RNLS: variants seen among roughly 807,000 people sequenced by gnomAD.
The protein encoded by RNLS is renalase.
A neutral mutation model predicts 39.8 loss-of-function variants in RNLS; 39 were observed. The observed-to-expected ratio is 0.98, with a 90% CI of 0.76 to 1.28. The LOEUF (loss-of-function observed/expected upper bound fraction) is 1.28. RNLS is among the 50% of genes most tolerant of loss of function. RNLS has a pLI of 0.00. For synonymous variants in RNLS, 147 were observed against 150.7 expected, an observed-to-expected ratio of 0.98 and a Z score of 0.18; for missense variants, 410 against 413.3, an observed-to-expected ratio of 0.99 and a Z score of 0.07.
At chr10:88,436,308 G>T (rs1362443250) in intron 4 of RNLS, among the ~76,000 whole-genome samples, 1 of 152,052 alleles carries the variant, frequency 6.6e-6, no homozygotes, top group Non-Finnish European at 1.5e-5. Context: ...CACACAGAGG[G>T]TCAGCAAGAG....
chr10:88,199,871 G>A, the RNLS span, among the ~76,000 whole-genome samples: 2 of 152,212 alleles, frequency 1.3e-5, no homozygotes, highest in Admixed American at 6.5e-5. Context: ...GCTCATGCCT[G>A]TAATCCCAGC....
chr10:88,375,258 TA>T (rs1453867465), intron 4 of RNLS, among the ~76,000 whole-genome samples: 1 of 152,098 alleles, frequency 6.6e-6, no homozygotes, highest in African/African-American at 2.4e-5. Context: ...AAAATGGCTT[TA>T]ATGCTTAGAG....
At chr10:88,553,932 A>G (rs1259470663) in intron 4 of RNLS, among the ~76,000 whole-genome samples, 2 of 152,174 alleles carry the variant, frequency 1.3e-5, no homozygotes, top group Admixed American at 6.6e-5. Context: ...TATTTATTGA[A>G]AAAATAAATG....
At chr10:88,575,731 G>C (rs1850160027) in intron 3 of RNLS, among the ~76,000 whole-genome samples, 1 of 152,094 alleles carries the variant, frequency 6.6e-6, no homozygotes. Flanking sequence ...AGTCTCAAGA[G>C]TTATGTCTGA....
At chr10:88,322,512 G>T (rs1846261385) in intron 5 of RNLS, among the ~76,000 whole-genome samples, 1 of 152,186 alleles carries the variant, frequency 6.6e-6, no homozygotes, top group South Asian at 2.1e-4. Context: ...GGTATTTAAA[G>T]TGTTTGACGG....
chr10:88,518,828 C>T (rs1160277397), intron 4 of RNLS, among the ~76,000 whole-genome samples: 2 of 151,984 alleles, frequency 1.3e-5, no homozygotes, highest in African/African-American at 4.8e-5. Flanking sequence ...GAAAGTATCA[C>T]AGCCTCCATT....
chr10:88,274,806 C>T (rs534859463), exon 7 of RNLS: 144 of 521,786 alleles, frequency 2.8e-4, no homozygotes, highest in Non-Finnish European at 3.8e-4. Context: ...ACATTCCCAC[C>T]GGCACTGCAC....
chr10:88,226,993 T>C, the RNLS span, among the ~76,000 whole-genome samples: 3 of 152,222 alleles, frequency 2.0e-5, no homozygotes, highest in African/African-American at 7.2e-5. Context: ...ATGGGCAAAA[T>C]CCAACCCACT....
intron 4 of RNLS, among the ~76,000 whole-genome samples, chr10:88,401,615 C>T (rs922451962): frequency 4.6e-5 from 7 of 151,966 alleles, no homozygotes; most frequent in Non-Finnish European, 5.9e-5. Context: ...GGAAATACCA[C>T]ACAAAATGAT....
chr10:88,547,684 T>G (rs1848388371), intron 4 of RNLS, among the ~76,000 whole-genome samples: 1 of 152,182 alleles, frequency 6.6e-6, no homozygotes, highest in Middle Eastern at 3.2e-3. Context: ...CAAAAGTTCT[T>G]AGAAGTTTTA....
intron 5 of RNLS, among the ~76,000 whole-genome samples, chr10:88,348,697 C>T (rs982986240): frequency 6.6e-6 from 1 of 152,128 alleles, no homozygotes; most frequent in Non-Finnish European, 1.5e-5. Flanking sequence ...AAAGTTAAAT[C>T]ATATTCCCTA....
chr10:88,446,481 A>C (rs961532782), intron 4 of RNLS, among the ~76,000 whole-genome samples: 1 of 152,208 alleles, frequency 6.6e-6, no homozygotes, highest in Non-Finnish European at 1.5e-5. Flanking sequence ...GAACTGAAGG[A>C]GATAGAGACA....
At chr10:88,373,953 A>G (rs1220295205) in intron 4 of RNLS, among the ~76,000 whole-genome samples, 1 of 152,126 alleles carries the variant, frequency 6.6e-6, no homozygotes, top group African/African-American at 2.4e-5. Flanking sequence ...AATGTGATGT[A>G]CAAATCTTAT....
intron 4 of RNLS, among the ~76,000 whole-genome samples, chr10:88,447,045 C>T (rs1287086662): frequency 6.6e-6 from 1 of 152,250 alleles, no homozygotes. Flanking sequence ...GACAAACCCA[C>T]AGCCAATATC....
intron 1 of RNLS, 45 bp from the exon 2 acceptor site, chr10:88,582,352 C>A (rs575077988): frequency 2.0e-6 from 3 of 1,491,890 alleles, no homozygotes. Flanking sequence ...TGACAATGAG[C>A]CTTAGCAATT....
At chr10:88,544,657 A>G (rs1251923837) in intron 4 of RNLS, among the ~76,000 whole-genome samples, 1 of 152,202 alleles carries the variant, frequency 6.6e-6, no homozygotes, top group Admixed American at 6.5e-5. Context: ...GTGGGTAAGC[A>G]ACTCTGAGAA....
intron 4 of RNLS, among the ~76,000 whole-genome samples, chr10:88,371,892 G>A (rs1458372993): frequency 6.6e-6 from 1 of 152,070 alleles, no homozygotes; most frequent in Non-Finnish European, 1.5e-5. Context: ...AAGCATTGGT[G>A]TTATAGGACA....
At chr10:88,274,705 T>C (rs767558383) in exon 7 of RNLS, 3 of 372,606 alleles carry the variant, frequency 8.1e-6, no homozygotes, top group Non-Finnish European at 1.5e-5. Flanking sequence ...TGGATAGATA[T>C]CCAGATGTGG....
intron 4 of RNLS, among the ~76,000 whole-genome samples, chr10:88,446,557 T>C (rs1842047357): frequency 6.6e-6 from 1 of 152,010 alleles, no homozygotes; most frequent in African/African-American, 2.4e-5. Context: ...AGAAAATTGA[T>C]AGAATGCTAG....
Sources: gnomAD v4.1 joint callset for allele counts (sites outside exome capture counted in the v4.1 genomes callset) on GRCh38, gnomAD v4.1.1 for gene constraint, MANE v1.5 for transcripts, NCBI Gene and HGNC (gene_info 2026-07-23, HGNC 2026-07-21) for gene names.